ITGA10: variants seen among roughly 807,000 people sequenced by gnomAD.
ITGA10 encodes integrin subunit alpha 10, also known as integrin alpha-10.
Under a neutral mutation model 145.2 loss-of-function variants are expected in ITGA10, and 105 were observed. That is an observed-to-expected ratio of 0.72 (90% confidence interval 0.62 to 0.85). The LOEUF (loss-of-function observed/expected upper bound fraction) is 0.85. Among genes scored for constraint, ITGA10 ranks in the 40% least tolerant of loss-of-function variants. ITGA10 has a pLI of 0.00. For missense variants in ITGA10, 1,317 were observed against 1,444.5 expected (o/e 0.91, Z 1.43); for synonymous variants, 506 against 557.8 (o/e 0.91, Z 1.31).
chr1:145,905,798 G>A (rs1657054638), intron 5 of ITGA10: 1 of 152,424 alleles, frequency 6.6e-6, no homozygotes, highest in African/African-American at 2.4e-5. Flanking sequence ...GCCCAGGCTG[G>A]TCTCAAACCT....
chr1:145,899,112 G>T, intron 16 of ITGA10, 34 bp from the exon 17 acceptor site: 1 of 1,614,268 alleles, frequency 6.2e-7, no homozygotes, highest in Non-Finnish European at 8.5e-7. Flanking sequence ...GGGTGGAAAG[G>T]GGTCTAGTGA....
At chr1:145,906,673 CT>C (rs1553751180) in intron 4 of ITGA10, 59 bp downstream of exon 4, 1 of 1,436,812 alleles carries the variant, frequency 7.0e-7, no homozygotes, top group Non-Finnish European at 9.8e-7. Flanking sequence ...CCTTACCACA[CT>C]TCTCTTTTTT....
chr1:145,900,076 C>G lies in ITGA10; in HGVS notation c.1903G>C (p.Gly635Arg). Residue 635 changes from glycine to arginine, a missense_variant, in exon 15 of 30, where the codon GGG becomes CGG. Physicochemically the swap from Gly to Arg is moderately radical, Grantham distance 125. Coordinates refer to ENST00000369304, the MANE Select transcript of ITGA10 (RefSeq NM_003637.5). ...DLVDVAVGAQ[G>R]AAILLSSRPI... ...CCTCACCTGAGCAGGATGGCTGCCC[C>G]CTGGGCACCCACAGCCACATCGACC... 6.2e-7 allele frequency: 1 copy of G among 1,613,746 alleles called. No homozygotes were observed. The highest frequency in any genetic ancestry group is 8.5e-7 in the Non-Finnish European group (1 of 1,179,806).
At chr1:145,902,352 G>A (rs369519544) in intron 9 of ITGA10, 33 bp from the exon 10 acceptor site, 2 of 1,611,914 alleles carry the variant, frequency 1.2e-6, no homozygotes, top group African/African-American at 2.7e-5. Context: ...GACAATATCA[G>A]GGGAAGACAG....
intron 23 of ITGA10, 49 bp downstream of exon 23, chr1:145,896,720 G>T (rs782022064): frequency 2.8e-6 from 4 of 1,423,782 alleles, no homozygotes; most frequent in South Asian, 1.1e-5. Flanking sequence ...CAGCATAAGG[G>T]TATGAGTCTG....
In ITGA10 at chr1:145,900,180, G is replaced by A. The variant is rs782660298; in HGVS notation, c.1799C>T (p.Ala600Val). 66 of 1,612,336 alleles carry A rather than the reference G, an allele frequency of 4.1e-5. No homozygotes were observed. The highest frequency in any genetic ancestry group is 5.4e-5 in the Non-Finnish European group (64 of 1,179,214). ...GAGGGCATGTGGCATGGAGGCAGCAGCAATCCTCTGAGAGGAAGAGAGAGA... is the reference window on the plus strand; with the variant it reads ...GAGGGCATGTGGCATGGAGGCAGCAACAATCCTCTGAGAGGAAGAGAGAGA... Reference protein sequence around the residue: ...GVRPHPAQRIAAASMPHALSY... With the variant: ...GVRPHPAQRIVAASMPHALSY... Residue 600 changes from alanine to valine, a missense_variant, in exon 15 of 30, where the codon GCT (alanine) becomes GTT (valine). By Grantham distance (64) the Ala-to-Val change is moderately conservative (BLOSUM62 0). Transcript: ENST00000369304.
At chr1:145,893,672 G>T in intron 27 of ITGA10, 37 bp from the exon 28 acceptor site, 1 of 1,504,388 alleles carries the variant, frequency 6.6e-7, no homozygotes, top group Non-Finnish European at 9.2e-7. Flanking sequence ...TTTAAAATGA[G>T]CCATTATCAG....
Position 145,902,446 on chromosome 1 carries a change from A to T in ITGA10, c.1075+8T>A. 2 of 1,609,944 alleles carry T rather than the reference A, an allele frequency of 1.2e-6. No individual in the cohort carries two copies. Among genetic ancestry groups the T allele is most frequent in the Non-Finnish European group, 1.7e-6 (2 of 1,177,754 alleles). On this transcript the variant is annotated splice_region_variant and intron_variant, in intron 9 of 29. Coordinates refer to ENST00000369304, the MANE Select transcript of ITGA10 (RefSeq NM_003637.5). ...CCGCCCTGTCCATTTCTCCAGAGTA[A>T]TCCTCACCTTCAAGGCCAAAAATCC...
At chr1:145,894,808 T>A (rs1655156715) in intron 27 of ITGA10, among the ~76,000 whole-genome samples, 1 of 152,208 alleles carries the variant, frequency 6.6e-6, no homozygotes, top group Non-Finnish European at 1.5e-5. Flanking sequence ...TTAGCAAAAA[T>A]ATGTTAAGCG....
rs201015287 is a variant in ITGA10, at chr1:145,897,821, C to T, written c.2426G>A (p.Gly809Asp). 6 of 1,614,016 alleles carry T rather than the reference C, an allele frequency of 3.7e-6. No individual in the cohort carries two copies. The highest frequency in any genetic ancestry group is 5.1e-6 in the Non-Finnish European group (6 of 1,179,916). Reference sequence around the variant, plus strand: ...TAGTACATGTCCATCCAACCTGGAGCCTCTGATGTCCATATTCACTTGAAG... The same window carrying T: ...TAGTACATGTCCATCCAACCTGGAGTCTCTGATGTCCATATTCACTTGAAG... ...LVLQVNMDIR[G>D]SRKAPFVVRG... Residue 809 changes from glycine to aspartate, a missense_variant, in exon 19 of 30, where the codon GGC becomes GAC. Coordinates refer to ENST00000369304, the MANE Select transcript of ITGA10 (RefSeq NM_003637.5).
chr1:145,903,215 C>T (rs1335760941), intron 7 of ITGA10, among the ~76,000 whole-genome samples: 2 of 152,118 alleles, frequency 1.3e-5, no homozygotes, highest in Non-Finnish European at 2.9e-5. Flanking sequence ...CAAATAAGTA[C>T]AACGTTCATA....
Position 145,901,590 on chromosome 1 carries a change from G to A in ITGA10, c.1369C>T (p.Arg457Ter), listed in dbSNP as rs199638228. Residue 457 changes from arginine to a stop codon, truncating the protein, a stop_gained, in exon 12 of 30, where the codon CGA becomes TGA. Coordinates refer to ENST00000369304, the MANE Select transcript of ITGA10 (RefSeq NM_003637.5). LOFTEE classifies it high-confidence loss of function. This position sits in a 1 kb window ranked among gnomAD's most constrained non-coding sequence, Gnocchi z 4.3. Reference protein sequence around the residue: ...FLSGAPRFRHRGKVIAFQLKK... With the variant: ...FLSGAPRFRH ...AGCTGGAAGGCGATGACTTTTCCTC[G>A]ATGTCTAAATCGAGGAGCCCCAGAG... The A allele has an allele frequency of 8.7e-6, 14 of 1,606,946 alleles. No individual in the cohort carries two copies. The highest frequency in any genetic ancestry group is 1.0e-5 in the Non-Finnish European group (12 of 1,177,104).
intron 10 of ITGA10, 76 bp downstream of exon 10, chr1:145,902,170 A>C: frequency 6.4e-7 from 1 of 1,570,420 alleles, no homozygotes; most frequent in Non-Finnish European, 8.8e-7. Flanking sequence ...TTAAAGGAGG[A>C]ATCTGGAGGG....
intron 5 of ITGA10, chr1:145,905,834 T>C (rs369613768): frequency 6.5e-5 from 10 of 153,074 alleles, no homozygotes; most frequent in African/African-American, 2.4e-4. Context: ...TCCTCCTGCG[T>C]TGGCCTCCCA....
chr1:145,892,578 T>G lies in ITGA10; in HGVS notation c.*220A>C. On this transcript the variant is annotated 3_prime_UTR_variant, in exon 30 of 30. Transcript: ENST00000369304. ...TCACGAGGAGGAGGGAAGCAGAGGG[T>G]GGGAGCATGGCTAGTTTTGGTGCCA... 2.2e-6 allele frequency: 1 copy of G among 456,246 alleles called. No homozygotes were observed. Among genetic ancestry groups the G allele is most frequent in the Non-Finnish European group, 3.9e-6 (1 of 257,426 alleles). The allele number at this position is 456,246 out of a possible 1,614,324, so 28.3% of individuals were successfully genotyped here. A position where few individuals can be genotyped will look rare whatever the true frequency, so the allele number is the denominator to read the frequency against.
At position 145,897,633 on chromosome 1, in the gene ITGA10, C is replaced by T. The variant is rs782383906; in HGVS notation, c.2453G>A (p.Arg818Gln). ...RGSRKAPFVV[R>Q]GGRRKVLVST... ...TACCAGCACTTTCCGCCGGCCACCT[C>T]GAACCACAAATGGGGCCTTCCTGGG... The change falls in exon 20 of 30, where the codon CGA becomes CAA. Residue 818 changes from arginine (R) to glutamine (Q), a missense_variant. By Grantham distance (43) the Arg-to-Gln change is conservative. Transcript: ENST00000369304. 2.7e-5 allele frequency: 44 copies of T among 1,613,984 alleles called. No individual in the cohort carries two copies. The highest frequency in any genetic ancestry group is 3.0e-5 in the Non-Finnish European group (35 of 1,180,040).
In ITGA10 at chr1:145,903,010, CACACACACACACAT is replaced by C. The variant is rs1425015226; in HGVS notation, c.759-63_759-50del. On this transcript the variant is annotated intron_variant, in intron 7 of 29. Coordinates refer to ENST00000369304, the MANE Select transcript of ITGA10 (RefSeq NM_003637.5). ...GAGATCAGATGTATGCAGACACACACACACACACACACATACACACACACACACACACACACACA... is the reference window on the plus strand; with the variant it reads ...GAGATCAGATGTATGCAGACACACACACACACACACACACACACACACACA... The C allele has an allele frequency of 7.3e-4, 625 of 855,102 alleles. 7 individuals carry two copies. The highest frequency in any genetic ancestry group is 6.8e-3 in the African/African-American group (335 of 49,540). The allele number at this position is 855,102 out of a possible 1,614,324, so 53.0% of individuals were successfully genotyped here.
chr1:145,904,023 C>T (rs1553750162), intron 7 of ITGA10, 29 bp downstream of exon 7: 2 of 1,612,958 alleles, frequency 1.2e-6, no homozygotes, highest in Non-Finnish European at 1.7e-6. Flanking sequence ...TTGCTCTAGC[C>T]TCCCACACCT....
chr1:145,895,190 A>T, intron 27 of ITGA10, 90 bp downstream of exon 27: 1 of 863,408 alleles, frequency 1.2e-6, no homozygotes, highest in Non-Finnish European at 1.9e-6. Context: ...CAAAAGTGAA[A>T]CTTGAACGTG....
Sources: allele counts gnomAD v4.1 joint callset (sites outside exome capture counted in the v4.1 genomes callset), GRCh38; gene constraint gnomAD v4.1.1; non-coding constraint Gnocchi (gnomAD v3.1); transcripts MANE v1.5; gene names NCBI Gene and HGNC (gene_info 2026-07-23, HGNC 2026-07-21).